Variants in CUX1 observed in about 807,000 individuals in gnomAD.
CUX1 encodes the protein cut like homeobox 1, also known as protein CASP.
A neutral mutation model predicts 158.8 loss-of-function variants in CUX1; 31 were observed. The ratio of observed to expected loss-of-function variants is 0.20; its 90% CI spans 0.15 to 0.26. The LOEUF (loss-of-function observed/expected upper bound fraction) is 0.26. CUX1 is among the 10% of genes least tolerant of loss of function. The probability of loss-of-function intolerance (pLI) is 1.00; values close to 1 mark genes in which losing one functional copy is unlikely to be tolerated. For synonymous variants in CUX1, 879 were observed against 862.1 expected, an observed-to-expected ratio of 1.02 and a Z score of -0.34; for missense variants, 1,589 against 2,014.6, an observed-to-expected ratio of 0.79 and a Z score of 4.04.
chr7:102,056,930 C>G (rs1824217792), intron 3 of CUX1, among the ~76,000 whole-genome samples: 1 of 141,884 alleles, frequency 7.0e-6, no homozygotes, highest in Non-Finnish European at 1.5e-5. Flanking sequence ...GAGACAGAGT[C>G]TCGCTCTGTC....
rs532195180 is a variant in CUX1 at position 102,108,110 on chromosome 7, G to A, written c.531-3588G>A. Among the ~76,000 whole-genome samples, 76 of 152,134 alleles carry A rather than the reference G, an allele frequency of 5.0e-4. 1 individual carries two copies. The highest frequency in any genetic ancestry group is 9.3e-4 in the Non-Finnish European group (63 of 68,030). On this transcript the variant is annotated intron_variant, in intron 6 of 23. Transcript: ENST00000292535. ...TCAGTGCCCTGCCATGGAGAAATGG[G>A]TTAGTAAAAAGAACGGACCATCCCT... is the stretch of plus-strand genomic sequence containing the variant.
chr7:101,824,504 T>A (rs914361115), intron 1 of CUX1: 1 of 152,192 alleles, frequency 6.6e-6, no homozygotes, highest in Non-Finnish European at 1.5e-5. Flanking sequence ...AGATAAAAAA[T>A]AATTTGATAA....
rs367749478 is a variant in CUX1, at chr7:102,071,098, G to A, written c.268+681G>A. Among the ~76,000 whole-genome samples the A allele has an allele frequency of 4.1e-4, 63 of 151,984 alleles. 1 individual carries two copies. Among genetic ancestry groups the A allele is most frequent in the African/African-American group, 1.3e-3 (55 of 41,442 alleles). On this transcript the variant is annotated intron_variant, in intron 4 of 23. Coordinates refer to ENST00000292535, the MANE Select transcript of CUX1 (RefSeq NM_181552.4). ...AACCTCCCAAGTGGCTGGGAGGTAC[G>A]TGCCACCACATTCAGCTAATTTTTG...
intron 2 of CUX1, among the ~76,000 whole-genome samples, chr7:101,969,780 T>C (rs1811708567): frequency 6.6e-6 from 1 of 152,126 alleles, no homozygotes; most frequent in East Asian, 1.9e-4. Flanking sequence ...ATGTGTGCAG[T>C]GTATACTTCT....
In CUX1 at chr7:102,041,255, T is replaced by C. The variant is rs144532269; in HGVS notation, c.189+13110T>C. ...AGGGAGATTGTCACCTCTTATCCAT[T>C]CTTTTTTTTTTTTTTTTTTTTTTTT... On this transcript the variant is annotated intron_variant, in intron 3 of 23. Coordinates refer to ENST00000292535, the MANE Select transcript of CUX1 (RefSeq NM_181552.4). Among the ~76,000 whole-genome samples, 1,203 of 124,580 alleles carry C rather than the reference T, an allele frequency of 9.7e-3. 33 individuals carry two copies. The highest frequency in any genetic ancestry group is 0.035 in the African/African-American group (1,108 of 31,412). The allele number at this position is 124,580 out of a possible 152,430, so 81.7% of individuals were successfully genotyped here.
intron 20 of CUX1, among the ~76,000 whole-genome samples, chr7:102,206,106 C>T (rs1252584509): frequency 6.6e-6 from 1 of 152,180 alleles, no homozygotes; most frequent in African/African-American, 2.4e-5. Context: ...CGAGGGGGAA[C>T]ATGTGTAGCA....
At chr7:101,858,910 C>T (rs1203674084) in intron 1 of CUX1, among the ~76,000 whole-genome samples, 2 of 152,136 alleles carry the variant, frequency 1.3e-5, no homozygotes, top group African/African-American at 4.8e-5. Context: ...AGGTGATCCG[C>T]TTCCCTCGGT....
At chr7:102,239,247 G>T (rs1001538503) in intron 22 of CUX1, 73 bp from the exon 23 acceptor site, 48 of 1,515,266 alleles carry the variant, frequency 3.2e-5, no homozygotes, top group Non-Finnish European at 4.1e-5. Flanking sequence ...GTGCCGTCCC[G>T]CTAGCGGGAC....
chr7:101,838,976 C>T (rs1366850275), intron 1 of CUX1, among the ~76,000 whole-genome samples: 4 of 152,160 alleles, frequency 2.6e-5, no homozygotes, highest in Admixed American at 2.6e-4. Flanking sequence ...GTTCCTGGTG[C>T]GGGCCCTTTT....
chr7:101,884,483 C>A (rs1389299951), intron 1 of CUX1, among the ~76,000 whole-genome samples: 1 of 152,136 alleles, frequency 6.6e-6, no homozygotes, highest in African/African-American at 2.4e-5. Flanking sequence ...TCCCAAAGAC[C>A]TTGTGCTGTT....
chr7:101,845,856 A>G (rs1228124133), intron 1 of CUX1, among the ~76,000 whole-genome samples: 1 of 152,062 alleles, frequency 6.6e-6, no homozygotes, highest in East Asian at 1.9e-4. Flanking sequence ...TAAAAATACA[A>G]AATTAGCCAG....
chr7:102,091,550 G>A (rs1160887056), intron 4 of CUX1, among the ~76,000 whole-genome samples: 1 of 152,040 alleles, frequency 6.6e-6, no homozygotes, highest in Non-Finnish European at 1.5e-5. Flanking sequence ...GCCCCAGCTG[G>A]TCTTGAACTG....
chr7:102,172,405 CAGTGGAGTGATCATGGCTCGCTGT>C (rs1163564936), intron 10 of CUX1, among the ~76,000 whole-genome samples: 12 of 151,784 alleles, frequency 7.9e-5, no homozygotes, highest in African/African-American at 2.9e-4. Context: ...GGCTGGAATG[CAGTGGAGTGATCATGGCTCGCTGT>C]AGCCTTGACC....
intron 23 of CUX1, among the ~76,000 whole-genome samples, chr7:102,245,281 G>C (rs1176846248): frequency 2.6e-5 from 4 of 152,166 alleles, no homozygotes; most frequent in Non-Finnish European, 4.4e-5. Context: ...CTGAGCTCAA[G>C]TGATCTCCCA....
chr7:102,233,411 C>G (rs1799202012), intron 21 of CUX1, among the ~76,000 whole-genome samples: 1 of 152,096 alleles, frequency 6.6e-6, no homozygotes. Flanking sequence ...AGGCTGGTCT[C>G]AAACCCCTGG....
chr7:102,175,583 C>G (rs1001672455), intron 10 of CUX1, among the ~76,000 whole-genome samples: 1 of 152,076 alleles, frequency 6.6e-6, no homozygotes, highest in Admixed American at 6.6e-5. Flanking sequence ...AGCCTCTGCA[C>G]CTGCCTGCAT....
intron 8 of CUX1, among the ~76,000 whole-genome samples, chr7:102,138,989 A>G (rs1424219247): frequency 6.6e-6 from 1 of 152,136 alleles, no homozygotes; most frequent in Non-Finnish European, 1.5e-5. Flanking sequence ...TCACACCTCT[A>G]ATCTCAGCAC....
At chr7:101,841,307 T>C (rs1795176747) in intron 1 of CUX1, among the ~76,000 whole-genome samples, 1 of 152,102 alleles carries the variant, frequency 6.6e-6, no homozygotes, top group African/African-American at 2.4e-5. Context: ...TTTTTGTAAA[T>C]CTGTTTTGAA....
At chr7:101,897,016 A>G (rs922718285) in intron 1 of CUX1, among the ~76,000 whole-genome samples, 2 of 152,238 alleles carry the variant, frequency 1.3e-5, no homozygotes, top group Non-Finnish European at 2.9e-5. Flanking sequence ...CAGAAAAGTC[A>G]CGCACACACA....
Sources: gnomAD v4.1 joint callset for allele counts (sites outside exome capture counted in the v4.1 genomes callset) on GRCh38, gnomAD v4.1.1 for gene constraint, MANE v1.5 for transcripts, NCBI Gene and HGNC (gene_info 2026-07-23, HGNC 2026-07-21) for gene names.